The following RFX4 variants were observed in gnomAD, a reference collection of about 807,000 sequenced individuals.
RFX4 encodes the protein transcription factor RFX4.
A neutral mutation model predicts 95.0 loss-of-function variants in RFX4; 10 were observed. The observed-to-expected ratio is 0.11, with a 90% CI of 0.06 to 0.18. The LOEUF (loss-of-function observed/expected upper bound fraction) is 0.18. Ranked by LOEUF, RFX4 falls within the 10% of genes least tolerant of loss-of-function variation. The probability of loss-of-function intolerance (pLI) is 1.00; values close to 1 mark genes in which losing one functional copy is unlikely to be tolerated. For synonymous variants in RFX4, 321 were observed against 340.7 expected (o/e 0.94, Z 0.64); for missense variants, 640 against 922.0 (o/e 0.69, Z 3.96).
intron 2 of RFX4, among the ~76,000 whole-genome samples, chr12:106,636,541 GA>G: frequency 6.6e-6 from 1 of 152,194 alleles, no homozygotes; most frequent in East Asian, 1.9e-4. Context: ...AGGCTTCAAA[GA>G]GTTGGTGGCA....
chr12:106,648,258 C>T (rs1038027475), intron 3 of RFX4, among the ~76,000 whole-genome samples: 1 of 152,146 alleles, frequency 6.6e-6, no homozygotes, highest in Non-Finnish European at 1.5e-5. Flanking sequence ...AGGTCATCCC[C>T]TGCGGTAGGA....
intron 15 of RFX4, among the ~76,000 whole-genome samples, chr12:106,746,053 C>T (rs892752926): frequency 6.6e-6 from 1 of 151,788 alleles, no homozygotes; most frequent in Non-Finnish European, 1.5e-5. Context: ...ATAGTGAGAC[C>T]CTGTGTCTAT....
At chr12:106,743,651 G>T (rs1241553565) in intron 15 of RFX4, among the ~76,000 whole-genome samples, 1 of 152,214 alleles carries the variant, frequency 6.6e-6, no homozygotes, top group Non-Finnish European at 1.5e-5. Flanking sequence ...CACACCCTCT[G>T]TTGGGGATAC....
At chr12:106,650,890 T>C (rs1473581051) in intron 3 of RFX4, among the ~76,000 whole-genome samples, 1 of 152,186 alleles carries the variant, frequency 6.6e-6, no homozygotes, top group Non-Finnish European at 1.5e-5. Flanking sequence ...ATATTATTAT[T>C]ATTATCATCA....
In RFX4 at chr12:106,586,503, C is replaced by G. The variant is rs1310536132; in HGVS notation, c.43+3140C>G. Among the ~76,000 whole-genome samples, 48 of 150,984 alleles carry G rather than the reference C, an allele frequency of 3.2e-4. No homozygotes were observed. The highest frequency in any genetic ancestry group is 8.8e-5 in the Non-Finnish European group (6 of 67,838). On this transcript the variant is annotated intron_variant, in intron 1 of 17. Coordinates refer to ENST00000392842, the MANE Select transcript of RFX4 (RefSeq NM_213594.3). The surrounding 1 kb of genome is among the most constrained non-coding windows in gnomAD (Gnocchi z 5.6). ...TGGGCCGGGCCGGGTCGGTCGCCTA[C>G]GCAACAGAAGGATCATTTCTTTTAA... is the stretch of plus-strand genomic sequence containing the variant.
chr12:106,716,845 G>C, intron 11 of RFX4, among the ~76,000 whole-genome samples: 1 of 152,022 alleles, frequency 6.6e-6, no homozygotes. Flanking sequence ...CCACTTTACA[G>C]ATGAGAAAAC....
chr12:106,624,618 C>T (rs1015531718), intron 2 of RFX4, among the ~76,000 whole-genome samples: 8 of 152,080 alleles, frequency 5.3e-5, no homozygotes, highest in Non-Finnish European at 1.2e-4. Flanking sequence ...TGAGCCACCT[C>T]GCCCGGGCTT....
At chr12:106,664,267 C>T (rs1922437) in intron 4 of RFX4, among the ~76,000 whole-genome samples, 95,029 of 151,586 alleles carry the variant, frequency 0.63, 31,538 homozygotes, top group African/African-American at 0.86. Context: ...CTGTTTCTTT[C>T]TGTGTGAGTT....
intron 5 of RFX4, chr12:106,684,847 T>C (rs1474077367): frequency 1.3e-6 from 2 of 1,579,846 alleles, no homozygotes; most frequent in Non-Finnish European, 1.7e-6. Flanking sequence ...GTCTGAATTC[T>C]TCATCCCAGA....
At chr12:106,694,969 G>A (rs1376170583) in intron 7 of RFX4, among the ~76,000 whole-genome samples, 10 of 151,882 alleles carry the variant, frequency 6.6e-5, no homozygotes, top group African/African-American at 1.5e-4. Flanking sequence ...CCCAGGAGGC[G>A]GAGGTTGCAG....
At chr12:106,692,053 A>C (rs2041795012) in intron 7 of RFX4, among the ~76,000 whole-genome samples, 1 of 151,660 alleles carries the variant, frequency 6.6e-6, no homozygotes, top group Non-Finnish European at 1.5e-5. Context: ...GCTACTCAGG[A>C]GGCCGAGGCA....
intron 1 of RFX4, chr12:106,601,301 G>C: frequency 6.3e-7 from 1 of 1,595,338 alleles, no homozygotes; most frequent in Non-Finnish European, 8.5e-7. Context: ...AGCCCACCCT[G>C]GTGCGGGAGG....
At chr12:106,736,427 G>A (rs1224963641) in intron 15 of RFX4, among the ~76,000 whole-genome samples, 2 of 152,152 alleles carry the variant, frequency 1.3e-5, no homozygotes, top group East Asian at 1.9e-4. Flanking sequence ...CAAACTTCCA[G>A]GTGATTTTGA....
chr12:106,749,251 C>G (rs1211046691), intron 16 of RFX4, among the ~76,000 whole-genome samples: 2 of 144,770 alleles, frequency 1.4e-5, no homozygotes, highest in African/African-American at 5.3e-5. Context: ...GCGATATACT[C>G]CAACTCAAAA....
At chr12:106,650,058 A>G (rs1240607769) in intron 3 of RFX4, among the ~76,000 whole-genome samples, 1 of 152,180 alleles carries the variant, frequency 6.6e-6, no homozygotes, top group Non-Finnish European at 1.5e-5. Flanking sequence ...CCAGGCTTTG[A>G]TCGTCCTCCT....
At chr12:106,751,184 G>A (rs1479420360) in intron 17 of RFX4, among the ~76,000 whole-genome samples, 1 of 151,330 alleles carries the variant, frequency 6.6e-6, no homozygotes, top group Non-Finnish European at 1.5e-5. Context: ...AGAACATGCA[G>A]TGTTTGGTTT....
At chr12:106,669,229 C>A (rs1213911592) in intron 4 of RFX4, among the ~76,000 whole-genome samples, 3 of 152,154 alleles carry the variant, frequency 2.0e-5, no homozygotes, top group Non-Finnish European at 4.4e-5. Flanking sequence ...CAGGTCTCCC[C>A]CTCCCCCACA....
rs768944963 is a variant in RFX4, at chr12:106,732,922, A to G, written c.1472-2A>G. 3 of 1,613,490 alleles carry G rather than the reference A, an allele frequency of 1.9e-6. No homozygotes were observed. Among genetic ancestry groups the G allele is most frequent in the Non-Finnish European group, 2.5e-6 (3 of 1,179,502 alleles). ...AAAAACTTACCCTATCTCTATCCAC[A>G]GCAGAAGTCCGAGAAGAGATCATCT... is the stretch of plus-strand genomic sequence containing the variant. On this transcript the variant is annotated splice_acceptor_variant, in intron 14 of 17. Transcript: ENST00000392842. LOFTEE classifies it high-confidence loss of function.
intron 13 of RFX4, among the ~76,000 whole-genome samples, chr12:106,728,736 C>A (rs796705887): frequency 6.6e-6 from 1 of 152,040 alleles, no homozygotes; most frequent in African/African-American, 2.4e-5. Context: ...CTCATCGCTG[C>A]GACACTCTGG....
Sources: gnomAD v4.1 joint callset for allele counts (sites outside exome capture counted in the v4.1 genomes callset) on GRCh38, gnomAD v4.1.1 for gene constraint, Gnocchi (gnomAD v3.1) non-coding constraint, MANE v1.5 for transcripts, NCBI Gene and HGNC (gene_info 2026-07-23, HGNC 2026-07-21) for gene names.